FSTL5: variants seen among roughly 807,000 people sequenced by gnomAD.
The protein encoded by FSTL5 is follistatin like 5, also known as follistatin-related protein 5.
A neutral mutation model predicts 89.1 loss-of-function variants in FSTL5; 62 were observed. The ratio of observed to expected loss-of-function variants is 0.70; its 90% confidence interval spans 0.57 to 0.86. The LOEUF (loss-of-function observed/expected upper bound fraction) is 0.86, where lower values mean the gene tolerates loss of function less well. Ranked by LOEUF, FSTL5 falls within the 40% of genes least tolerant of loss-of-function variation. FSTL5 has a pLI of 0.00. For synonymous variants in FSTL5, 383 were observed against 346.2 expected (o/e 1.11, Z -1.18); for missense variants, 1,057 against 1,001.6 (o/e 1.06, Z -0.75).
chr4:162,147,264 G>C (rs1455342250), intron 1 of FSTL5, among the ~76,000 whole-genome samples: 1 of 151,904 alleles, frequency 6.6e-6, no homozygotes, highest in African/African-American at 2.4e-5. Flanking sequence ...CTGGAAATTA[G>C]TTTCTTAGTT....
intron 6 of FSTL5, among the ~76,000 whole-genome samples, chr4:161,757,359 G>T (rs1031688795): frequency 6.7e-6 from 1 of 148,872 alleles, no homozygotes; most frequent in Non-Finnish European, 1.5e-5. Flanking sequence ...CATTCATACC[G>T]ACATATGCAC....
intron 7 of FSTL5, among the ~76,000 whole-genome samples, chr4:161,619,295 C>T (rs1210325656): frequency 1.3e-5 from 2 of 152,088 alleles, no homozygotes; most frequent in Non-Finnish European, 2.9e-5. Flanking sequence ...GACTTCATGT[C>T]CAAAACACCA....
At chr4:161,703,491 A>C (rs946123142) in intron 6 of FSTL5, among the ~76,000 whole-genome samples, 2 of 152,160 alleles carry the variant, frequency 1.3e-5, no homozygotes, top group East Asian at 3.8e-4. Context: ...CCTTGAGCTC[A>C]GGTAAATCCT....
chr4:161,497,420 T>C (rs1448038382), intron 12 of FSTL5, among the ~76,000 whole-genome samples: 1 of 152,058 alleles, frequency 6.6e-6, no homozygotes, highest in Admixed American at 6.6e-5. Flanking sequence ...TTATTCTTAG[T>C]TCTTTACAAA....
chr4:161,680,814 A>C (rs1178324731), intron 6 of FSTL5, among the ~76,000 whole-genome samples: 1 of 152,048 alleles, frequency 6.6e-6, no homozygotes, highest in Non-Finnish European at 1.5e-5. Flanking sequence ...AGAACACCCA[A>C]TAACAGTAGC....
chr4:161,872,137 T>TTG (rs1732285887), intron 4 of FSTL5, among the ~76,000 whole-genome samples: 1 of 48,186 alleles, frequency 2.1e-5, no homozygotes, highest in Non-Finnish European at 5.5e-5. Context: ...TGTTTTTTTT[T>TTG]TTGGTTTTTT....
chr4:161,911,792 A>C (rs922406031), intron 4 of FSTL5, among the ~76,000 whole-genome samples: 1 of 152,334 alleles, frequency 6.6e-6, no homozygotes, highest in African/African-American at 2.4e-5. Flanking sequence ...ACTTTGCTTA[A>C]CCTATGTGAA....
chr4:161,441,920 AG>A (rs1308459353), intron 15 of FSTL5, among the ~76,000 whole-genome samples: 1 of 152,114 alleles, frequency 6.6e-6, no homozygotes, highest in Non-Finnish European at 1.5e-5. Context: ...CAACTTAACT[AG>A]GGCTATTCGC....
chr4:161,923,596 G>T (rs1267824778), intron 3 of FSTL5, among the ~76,000 whole-genome samples: 1 of 151,640 alleles, frequency 6.6e-6, no homozygotes, highest in Non-Finnish European at 1.5e-5. Flanking sequence ...AGAGTGTTTT[G>T]TTTATTTTAG....
At chr4:161,951,467 T>A (rs1472152966) in intron 3 of FSTL5, among the ~76,000 whole-genome samples, 3 of 152,120 alleles carry the variant, frequency 2.0e-5, no homozygotes, top group Admixed American at 1.3e-4. Flanking sequence ...TCCCCAAACC[T>A]CTGCTGGGTT....
In FSTL5 at chr4:162,088,254, TGCCTAACA is replaced by T. The variant is rs561894879; in HGVS notation, c.126+23009_126+23016del. Among the ~76,000 whole-genome samples, 333 of 151,986 alleles carry T rather than the reference TGCCTAACA, an allele frequency of 2.2e-3. 1 individual carries two copies. Among genetic ancestry groups the T allele is most frequent in the Non-Finnish European group, 3.8e-3 (257 of 67,930 alleles). ...ATTTTTTTAAATCTAGATTTTTTGG[TGCCTAACA>T]GAATATTAGGTTACCTGTGTGCCCC... On this transcript the variant is annotated intron_variant, in intron 2 of 15. Coordinates refer to ENST00000306100, the MANE Select transcript of FSTL5 (RefSeq NM_020116.5).
At chr4:161,468,505 T>G in intron 13 of FSTL5, among the ~76,000 whole-genome samples, 1 of 152,242 alleles carries the variant, frequency 6.6e-6, no homozygotes, top group South Asian at 2.1e-4. Context: ...ATTCCTCAGG[T>G]TAGTTGAGAA....
intron 7 of FSTL5, among the ~76,000 whole-genome samples, chr4:161,615,658 A>G (rs1734841738): frequency 6.6e-6 from 1 of 152,116 alleles, no homozygotes; most frequent in Non-Finnish European, 1.5e-5. Flanking sequence ...TTTAAACACG[A>G]AAAAGATTTA....
intron 6 of FSTL5, among the ~76,000 whole-genome samples, chr4:161,749,520 C>T (rs920361848): frequency 2.0e-5 from 3 of 151,940 alleles, no homozygotes; most frequent in Admixed American, 6.6e-5. Flanking sequence ...ATAATAGGCC[C>T]GGCGCGGTGG....
rs1172071880 is a variant in FSTL5 at position 161,415,830 on chromosome 4, A to T, written c.1842-29381T>A. On this transcript the variant is annotated intron_variant, in intron 15 of 15. Transcript: ENST00000306100. ...TATCATACATATAGGGGATATATAT[A>T]TATATATATATATATATATCATTTC... Among the ~76,000 whole-genome samples, 16 of 66,942 alleles carry T rather than the reference A, an allele frequency of 2.4e-4. No homozygotes were observed. The Admixed American group carries it at 3.2e-3, about 13-fold the overall frequency. The allele number at this position is 66,942 out of a possible 152,430, so 43.9% of individuals were successfully genotyped here.
chr4:162,068,382 C>G (rs554314806), intron 2 of FSTL5, among the ~76,000 whole-genome samples: 2 of 151,888 alleles, frequency 1.3e-5, no homozygotes, highest in African/African-American at 2.4e-5. Context: ...AATAGAGAAC[C>G]CAGAAATAAG....
chr4:161,431,311 A>G (rs985767575), intron 15 of FSTL5, among the ~76,000 whole-genome samples: 13 of 152,156 alleles, frequency 8.5e-5, no homozygotes, highest in Non-Finnish European at 1.9e-4. Flanking sequence ...AAAGGAAAGC[A>G]AAGTTAAAAT....
In FSTL5 at chr4:161,595,605, C is replaced by T. The variant is rs561527545; in HGVS notation, c.895-8030G>A. ...TTGCGAAAATTTTTCTGGCAACTAC[C>T]TATTGATTATAATCAATTATGTAAG... On this transcript the variant is annotated intron_variant, in intron 7 of 15. Coordinates refer to ENST00000306100, the MANE Select transcript of FSTL5 (RefSeq NM_020116.5). 9.9e-4 allele frequency among the ~76,000 whole-genome samples: 151 copies of T among 152,026 alleles called. 1 individual carries two copies. The highest frequency in any genetic ancestry group is 3.4e-3 in the African/African-American group (143 of 41,506).
intron 12 of FSTL5, among the ~76,000 whole-genome samples, chr4:161,484,802 G>C (rs1729622822): frequency 6.6e-6 from 1 of 152,178 alleles, no homozygotes; most frequent in Non-Finnish European, 1.5e-5. Flanking sequence ...GAGAACGCTT[G>C]CTTTCAAGTT....
Sources: allele counts gnomAD v4.1 joint callset (sites outside exome capture counted in the v4.1 genomes callset), GRCh38; gene constraint gnomAD v4.1.1; transcripts MANE v1.5; gene names NCBI Gene and HGNC (gene_info 2026-07-23, HGNC 2026-07-21).